SMAD2: variants seen among roughly 807,000 people sequenced by gnomAD.
SMAD2 encodes MAD homolog 2.
SMAD2 carries 8 observed loss-of-function variants against 64.4 expected under a neutral mutation model. That is an observed-to-expected ratio of 0.12 (90% CI 0.07 to 0.22). SMAD2 has a LOEUF of 0.22. Ranked by LOEUF, SMAD2 falls within the 10% of genes least tolerant of loss-of-function variation. The probability of loss-of-function intolerance (pLI) is 1.00; values close to 1 mark genes in which losing one functional copy is unlikely to be tolerated. For missense variants in SMAD2, 289 were observed against 561.2 expected, an observed-to-expected ratio of 0.51 and a Z score of 4.90; for synonymous variants, 203 against 195.8, an observed-to-expected ratio of 1.04 and a Z score of -0.31.
Position 47,820,432 on chromosome 18 carries a change from TTG to T in SMAD2, c.*21393_*21394del, listed in dbSNP as rs1912528440. Reference sequence around the variant, plus strand: ...AAATTGCTTTTTATTGGGAAAAAAGTTGTTTAAATTCAGAGTTTATTAGAGGT... The same window carrying T: ...AAATTGCTTTTTATTGGGAAAAAAGTTTTAAATTCAGAGTTTATTAGAGGT... On this transcript the variant is annotated 3_prime_UTR_variant, in exon 11 of 11. Coordinates refer to ENST00000262160, the MANE Select transcript of SMAD2 (RefSeq NM_005901.6). The T allele has an allele frequency of 6.6e-6, 1 of 152,052 alleles. No individual in the cohort carries two copies. The highest frequency in any genetic ancestry group is 2.1e-4 in the South Asian group (1 of 4,814). 9.4% of individuals were successfully genotyped at this position (152,052 alleles called of 1,614,324 possible). A position where few individuals can be genotyped will look rare whatever the true frequency, so the allele number is the denominator to read the frequency against.
chr18:47,870,621 A>G, intron 2 of SMAD2, 57 bp from the exon 3 acceptor site: 1 of 1,048,512 alleles, frequency 9.5e-7, no homozygotes, highest in African/African-American at 1.6e-5. Flanking sequence ...TGGTTATTCA[A>G]AATACCATGA....
Position 47,837,573 on chromosome 18 carries a change from AAAAAAAC to A in SMAD2, c.*4247_*4253del, listed in dbSNP as rs1486634731. 3 of 227,564 alleles carry A rather than the reference AAAAAAAC, an allele frequency of 1.3e-5. No individual in the cohort carries two copies. Among genetic ancestry groups the A allele is most frequent in the African/African-American group, 2.2e-5 (1 of 44,936 alleles). The allele number at this position is 227,564 out of a possible 1,614,324, so 14.1% of individuals were successfully genotyped here. Reference sequence around the variant, plus strand: ...CGAGACTCCCTCTCAAAAAAAAAAAAAAAAAACAAAAAACAAGGCTAACAAGAAAGAG... The same window carrying A: ...CGAGACTCCCTCTCAAAAAAAAAAAAAAAAAACAAGGCTAACAAGAAAGAG... On this transcript the variant is annotated 3_prime_UTR_variant, in exon 11 of 11. Transcript: ENST00000262160.
At chr18:47,845,922 T>A in intron 8 of SMAD2, 122 bp from the exon 9 acceptor site, 1 of 846,282 alleles carries the variant, frequency 1.2e-6, no homozygotes. Context: ...TTTTCACAGA[T>A]AATGTCTTTC....
At chr18:47,861,129 G>A (rs1021762229) in intron 6 of SMAD2, among the ~76,000 whole-genome samples, 1 of 152,184 alleles carries the variant, frequency 6.6e-6, no homozygotes, top group Admixed American at 6.5e-5. Flanking sequence ...GCCGAGGCGG[G>A]TGGATCACCT....
intron 10 of SMAD2, among the ~76,000 whole-genome samples, chr18:47,842,556 A>C (rs1024024417): frequency 6.6e-6 from 1 of 152,080 alleles, no homozygotes; most frequent in Admixed American, 6.5e-5. Context: ...GGGGCAGAAA[A>C]AAATCAGGCC....
rs1225394867 is a variant in SMAD2, at chr18:47,850,751, TTA to T, written c.784+521_784+522del. Among the ~76,000 whole-genome samples, 39 of 20,416 alleles carry T rather than the reference TTA, an allele frequency of 1.9e-3. 5 individuals are homozygous for T. Among genetic ancestry groups the T allele is most frequent in the African/African-American group, 2.4e-3 (13 of 5,432 alleles). 13.4% of individuals were successfully genotyped at this position (20,416 alleles called of 152,430 possible). ...TATTATGTATAATATATATTATATA[TTA>T]TATATATATTATATACATTATGTAT... On this transcript the variant is annotated intron_variant, in intron 7 of 10. Transcript: ENST00000262160.
At chr18:47,850,531 A>ATATATAT (rs1491103028) in intron 7 of SMAD2, among the ~76,000 whole-genome samples, 5 of 14,636 alleles carry the variant, frequency 3.4e-4, no homozygotes, top group Non-Finnish European at 4.9e-4. Flanking sequence ...ATTATGTATA[A>ATATATAT]TATATGTTAT....
intron 1 of SMAD2, among the ~76,000 whole-genome samples, chr18:47,921,035 C>T (rs1484164343): frequency 6.6e-6 from 1 of 152,124 alleles, no homozygotes; most frequent in Non-Finnish European, 1.5e-5. Context: ...CATGCGCCTG[C>T]AGTCCCAACT....
intron 2 of SMAD2, among the ~76,000 whole-genome samples, chr18:47,892,159 G>A (rs965619515): frequency 5.3e-5 from 8 of 151,098 alleles, no homozygotes; most frequent in Non-Finnish European, 1.2e-4. Context: ...ATTTCCTGTA[G>A]TTGAGTCATC....
intron 1 of SMAD2, among the ~76,000 whole-genome samples, chr18:47,916,563 C>T (rs1291293552): frequency 4.6e-5 from 7 of 151,890 alleles, no homozygotes; most frequent in African/African-American, 1.7e-4. Context: ...TGCAACCATG[C>T]TTGGCTAATT....
rs1913278594 is a variant in SMAD2 at position 47,834,972 on chromosome 18, G to C, written c.*6855C>G. 3 of 223,300 alleles carry C rather than the reference G, an allele frequency of 1.3e-5. No homozygotes were observed. The highest frequency in any genetic ancestry group is 1.8e-5 in the Non-Finnish European group (2 of 111,688). The allele number at this position is 223,300 out of a possible 1,614,324, so 13.8% of individuals were successfully genotyped here. A position where few individuals can be genotyped will look rare whatever the true frequency, so the allele number is the denominator to read the frequency against. Reference sequence around the variant, plus strand: ...ACTTTTAACTGTGCTCCACCAGGAGGTCTGGCCTTGGGAAAAGATGGCGAA... The same window carrying C: ...ACTTTTAACTGTGCTCCACCAGGAGCTCTGGCCTTGGGAAAAGATGGCGAA... On this transcript the variant is annotated 3_prime_UTR_variant, in exon 11 of 11. Transcript: ENST00000262160.
intron 2 of SMAD2, among the ~76,000 whole-genome samples, chr18:47,890,308 T>G (rs766898743): frequency 7.9e-5 from 12 of 152,242 alleles, no homozygotes; most frequent in Admixed American, 3.9e-4. Flanking sequence ...AATTCATATT[T>G]ATAAAGTTTT....
chr18:47,905,275 A>T (rs2033857014), intron 1 of SMAD2, among the ~76,000 whole-genome samples: 1 of 152,206 alleles, frequency 6.6e-6, no homozygotes, highest in African/African-American at 2.4e-5. Context: ...CAACACTAAG[A>T]ATTACAAAAT....
intron 1 of SMAD2, among the ~76,000 whole-genome samples, chr18:47,926,506 C>T (rs1309928406): frequency 6.6e-6 from 1 of 152,102 alleles, no homozygotes; most frequent in Non-Finnish European, 1.5e-5. Flanking sequence ...CATCCTACTC[C>T]CCAGCCCCCA....
rs1181081898 is a variant in SMAD2, at chr18:47,850,339, TTA to T, written c.784+933_784+934del. On this transcript the variant is annotated intron_variant, in intron 7 of 10. Transcript: ENST00000262160. ...ATATACATATTATGTATAATATATG[TTA>T]TATATATTATACATAATATGTATAA... Among the ~76,000 whole-genome samples, 75 of 35,862 alleles carry T rather than the reference TTA, an allele frequency of 2.1e-3. 13 individuals carry two copies. Among genetic ancestry groups the T allele is most frequent in the Non-Finnish European group, 3.1e-3 (68 of 22,244 alleles). The allele number at this position is 35,862 out of a possible 152,430, so 23.5% of individuals were successfully genotyped here.
At position 47,825,989 on chromosome 18, in the gene SMAD2, C is replaced by T. The variant is rs2054651094; in HGVS notation, c.*15838G>A. ...GTTCACATTAAGAGAAAACGGTTTC[C>T]CTGAATTGAGTGATTCTTTCTACTT... On this transcript the variant is annotated 3_prime_UTR_variant, in exon 11 of 11. Transcript: ENST00000262160. 1 of 152,142 alleles carries T rather than the reference C, an allele frequency of 6.6e-6. No homozygotes were observed. Among genetic ancestry groups the T allele is most frequent in the South Asian group, 2.1e-4 (1 of 4,834 alleles). 9.4% of individuals were successfully genotyped at this position (152,142 alleles called of 1,614,324 possible). A position where few individuals can be genotyped will look rare whatever the true frequency, so the allele number is the denominator to read the frequency against.
rs552642628 is a variant in SMAD2 at position 47,812,710 on chromosome 18, T to G, written c.*29117A>C. The G allele has an allele frequency of 6.6e-6, 1 of 152,154 alleles. No individual in the cohort carries two copies. Among genetic ancestry groups the G allele is most frequent in the Non-Finnish European group, 1.5e-5 (1 of 68,038 alleles). 9.4% of individuals were successfully genotyped at this position (152,154 alleles called of 1,614,324 possible). On this transcript the variant is annotated 3_prime_UTR_variant, in exon 11 of 11. Coordinates refer to ENST00000262160, the MANE Select transcript of SMAD2 (RefSeq NM_005901.6). Reference sequence around the variant, plus strand: ...ACCATATCAGAGCTCATAACTTAAGTGGTGGTAATCAAATCTAAAGCACAT... The same window carrying G: ...ACCATATCAGAGCTCATAACTTAAGGGGTGGTAATCAAATCTAAAGCACAT...
At chr18:47,923,830 T>G (rs2034656297) in intron 1 of SMAD2, among the ~76,000 whole-genome samples, 1 of 152,176 alleles carries the variant, frequency 6.6e-6, no homozygotes, top group Non-Finnish European at 1.5e-5. Context: ...CTACTACTGG[T>G]TTCGAGCAGA....
At chr18:47,869,203 T>A in intron 4 of SMAD2, 40 bp downstream of exon 4, 3 of 1,485,708 alleles carry the variant, frequency 2.0e-6, no homozygotes, top group Non-Finnish European at 2.8e-6. Flanking sequence ...AGTTCAGGCA[T>A]TTAATTCAAA....
Sources: allele counts gnomAD v4.1 joint callset (sites outside exome capture counted in the v4.1 genomes callset), GRCh38; gene constraint gnomAD v4.1.1; transcripts MANE v1.5; gene names NCBI Gene and HGNC (gene_info 2026-07-23, HGNC 2026-07-21).